Variants in DCP2 observed in about 807,000 individuals in gnomAD.
The protein encoded by DCP2 is decapping mRNA 2.
DCP2 carries 30 observed loss-of-function variants against 56.1 expected under a neutral mutation model. The observed-to-expected ratio is 0.53, with a 90% CI of 0.40 to 0.73. The LOEUF (loss-of-function observed/expected upper bound fraction) is 0.73, where lower values mean the gene tolerates loss of function less well. DCP2 is among the 30% of genes least tolerant of loss of function. DCP2 has a pLI of 0.00. For missense variants in DCP2, 533 were observed against 502.7 expected (o/e 1.06, Z -0.58); for synonymous variants, 197 against 163.3 (o/e 1.21, Z -1.57).
rs1170115959 is a variant in DCP2 at position 113,014,708 on chromosome 5, C to CA, written c.*1225dup. On this transcript the variant is annotated 3_prime_UTR_variant, in exon 11 of 11. Transcript: ENST00000389063. Reference sequence around the variant, plus strand: ...TAAGGGGGCTTTAGTGTTTTGGCTGCATCTGACCTCATTGAAGGAATTTCT... The same window carrying CA: ...TAAGGGGGCTTTAGTGTTTTGGCTGCAATCTGACCTCATTGAAGGAATTTCT... The CA allele has an allele frequency of 6.6e-6, 1 of 152,608 alleles. No homozygotes were observed. The highest frequency in any genetic ancestry group is 1.9e-4 in the East Asian group (1 of 5,200). The allele number at this position is 152,608 out of a possible 1,614,324, so 9.5% of individuals were successfully genotyped here. A position where few individuals can be genotyped will look rare whatever the true frequency, so the allele number is the denominator to read the frequency against.
Position 112,994,452 on chromosome 5 carries a change from G to C in DCP2, c.432+1682G>C, listed in dbSNP as rs10043571. Among the ~76,000 whole-genome samples, 548 of 152,118 alleles carry C rather than the reference G, an allele frequency of 3.6e-3. 7 individuals are homozygous for C. The highest frequency in any genetic ancestry group is 0.012 in the African/African-American group (491 of 41,488). ...TTCCCAAAGTGCTGGGATTACAGGC[G>C]TGAGCCACTGTGCCCAGCCTTCATT... On this transcript the variant is annotated intron_variant, in intron 4 of 10. Transcript: ENST00000389063.
In DCP2 at chr5:113,011,792, G is replaced by C. The variant is rs569380563; in HGVS notation, c.1099+985G>C. On this transcript the variant is annotated intron_variant, in intron 10 of 10. Coordinates refer to ENST00000389063, the MANE Select transcript of DCP2 (RefSeq NM_152624.6). Reference sequence around the variant, plus strand: ...CAAAAAAAAGTCATTGTGAAGATGGGCATCAGAGAGCTTTTTTCCCTGTTT... The same window carrying C: ...CAAAAAAAAGTCATTGTGAAGATGGCCATCAGAGAGCTTTTTTCCCTGTTT... Among the ~76,000 whole-genome samples the C allele has an allele frequency of 1.4e-4, 22 of 152,282 alleles. No homozygotes were observed. In the South Asian group the frequency reaches 4.6e-3, roughly 32 times the overall value.
intron 4 of DCP2, among the ~76,000 whole-genome samples, chr5:112,994,704 T>A (rs1415219830): frequency 6.6e-6 from 1 of 152,192 alleles, no homozygotes; most frequent in East Asian, 1.9e-4. Context: ...AAGTATGATA[T>A]AAGGGAAAGC....
chr5:112,979,247 G>T (rs1027308600), intron 1 of DCP2, among the ~76,000 whole-genome samples: 1 of 152,042 alleles, frequency 6.6e-6, no homozygotes, highest in African/African-American at 2.4e-5. Context: ...TTAAAAATTA[G>T]GGCTGGCTGT....
At chr5:113,009,569 A>G (rs889170536) in intron 9 of DCP2, among the ~76,000 whole-genome samples, 2 of 152,224 alleles carry the variant, frequency 1.3e-5, no homozygotes, top group South Asian at 2.1e-4. Flanking sequence ...AAACCCTACA[A>G]AAGTGTTCAC....
At chr5:112,984,699 A>ATATATATATATATATATATAT (rs377520502) in intron 1 of DCP2, 44 of 78,452 alleles carry the variant, frequency 5.6e-4, no homozygotes, top group East Asian at 2.1e-3. Flanking sequence ...AAAAAAAAAA[A>ATATATATATATATATATATAT]AAAAATATAT....
At chr5:112,998,800 C>A (rs1748987709) in intron 4 of DCP2, among the ~76,000 whole-genome samples, 1 of 152,198 alleles carries the variant, frequency 6.6e-6, no homozygotes, top group Admixed American at 6.5e-5. Context: ...AAACGTAATG[C>A]CCCTTTGTCC....
intron 1 of DCP2, among the ~76,000 whole-genome samples, chr5:112,981,588 C>G (rs1255925433): frequency 2.6e-5 from 4 of 152,278 alleles, no homozygotes; most frequent in African/African-American, 9.6e-5. Flanking sequence ...GGCAAGTCTT[C>G]AGCGGCTAGT....
chr5:112,983,304 A>G (rs1748097425), intron 1 of DCP2, among the ~76,000 whole-genome samples: 1 of 152,216 alleles, frequency 6.6e-6, no homozygotes, highest in African/African-American at 2.4e-5. Flanking sequence ...CTAAGGCAAT[A>G]TTACGGTTGC....
intron 1 of DCP2, among the ~76,000 whole-genome samples, chr5:112,978,756 A>G (rs33553): frequency 0.32 from 48,179 of 151,822 alleles, 7,760 homozygotes; most frequent in Middle Eastern, 0.41. Context: ...CACATCAACC[A>G]ATAGTGGGAT....
At chr5:112,982,874 T>A (rs1224534289) in intron 1 of DCP2, among the ~76,000 whole-genome samples, 1 of 152,272 alleles carries the variant, frequency 6.6e-6, no homozygotes, top group African/African-American at 2.4e-5. Context: ...AGGTGATTTT[T>A]GGATGCCTTT....
intron 4 of DCP2, 59 bp downstream of exon 4, chr5:112,992,829 T>C (rs895125591): frequency 7.4e-7 from 1 of 1,356,662 alleles, no homozygotes; most frequent in Non-Finnish European, 9.9e-7. Flanking sequence ...AATGTATTTT[T>C]TTTAGCCATA....
chr5:112,993,539 T>C (rs1748694486), intron 4 of DCP2, among the ~76,000 whole-genome samples: 1 of 148,752 alleles, frequency 6.7e-6, no homozygotes, highest in East Asian at 2.0e-4. Flanking sequence ...GGCAGGAGAA[T>C]CTCTTGAACT....
At position 113,016,826 on chromosome 5, in the gene DCP2, C is replaced by G. The variant is rs184696916; in HGVS notation, c.*3342C>G. 6.8e-6 allele frequency: 1 copy of G among 146,030 alleles called. No individual in the cohort carries two copies. Among genetic ancestry groups the G allele is most frequent in the Admixed American group, 7.0e-5 (1 of 14,300 alleles). The allele number at this position is 146,030 out of a possible 1,614,324, so 9.0% of individuals were successfully genotyped here. ...TTTTGCCAAGTTAGTTTTCTTACCA[C>G]AATACCCTCTTGGCTTTTTTTTTTT... On this transcript the variant is annotated 3_prime_UTR_variant, in exon 11 of 11. Transcript: ENST00000389063.
chr5:113,007,875 T>A, intron 8 of DCP2, 63 bp from the exon 9 acceptor site: 2 of 1,394,168 alleles, frequency 1.4e-6, no homozygotes, highest in Admixed American at 2.2e-5. Flanking sequence ...ATTCATGGGG[T>A]ATTTTTTTTG....
At chr5:112,978,445 A>G (rs564904248) in intron 1 of DCP2, among the ~76,000 whole-genome samples, 25 of 152,344 alleles carry the variant, frequency 1.6e-4, no homozygotes, top group Non-Finnish European at 2.9e-4. Context: ...TCACAAAATC[A>G]AGATTTCACA....
At chr5:113,004,819 T>A (rs4705531) in intron 8 of DCP2, among the ~76,000 whole-genome samples, 70,855 of 151,468 alleles carry the variant, frequency 0.47, 17,872 homozygotes, top group East Asian at 0.64. Context: ...TTTTTTTTTT[T>A]TTTTATTTTA....
chr5:113,009,297 T>C (rs1749578445), intron 9 of DCP2, among the ~76,000 whole-genome samples: 1 of 152,236 alleles, frequency 6.6e-6, no homozygotes, highest in Non-Finnish European at 1.5e-5. Flanking sequence ...TGAATAGATT[T>C]TTAAAAGTTG....
At chr5:113,001,790 T>C (rs1749192078) in intron 7 of DCP2, 116 bp downstream of exon 7, 4 of 908,926 alleles carry the variant, frequency 4.4e-6, no homozygotes, top group Non-Finnish European at 6.9e-6. Context: ...AGATACTCTT[T>C]GTTACTGGTC....
Sources: gnomAD v4.1 joint callset for allele counts (sites outside exome capture counted in the v4.1 genomes callset) on GRCh38, gnomAD v4.1.1 for gene constraint, MANE v1.5 for transcripts, NCBI Gene and HGNC (gene_info 2026-07-23, HGNC 2026-07-21) for gene names.